Variants in SPDYE14 observed in about 807,000 individuals in gnomAD.
The protein encoded by SPDYE14 is speedy/RINGO cell cycle regulator family member E14.
At chr7:75,249,936 C>T in the SPDYE14 span, among the ~76,000 whole-genome samples, 1 of 114,274 alleles carries the variant, frequency 8.8e-6, no homozygotes, top group Non-Finnish European at 1.9e-5. Flanking sequence ...TCCCAAAGTG[C>T]TGGGATTACA....
the SPDYE14 span, among the ~76,000 whole-genome samples, chr7:75,261,439 G>T: frequency 4.7e-5 from 2 of 42,288 alleles, no homozygotes; most frequent in African/African-American, 7.1e-5. Context: ...CTGGCCTCTT[G>T]CTCTCAAGAA....
chr7:75,265,468 A>G, the SPDYE14 span, among the ~76,000 whole-genome samples: 10 of 17,986 alleles, frequency 5.6e-4, no homozygotes, highest in Non-Finnish European at 9.7e-5. Flanking sequence ...CTGTAGTCCC[A>G]GCACTCCAGG....
chr7:75,251,526 G>GTT, the SPDYE14 span, among the ~76,000 whole-genome samples: 11 of 60,740 alleles, frequency 1.8e-4, no homozygotes, highest in Non-Finnish European at 3.6e-4. Flanking sequence ...GTGTGTGTGT[G>GTT]TGTGTGTGTG....
chr7:75,265,021 GT>G, the SPDYE14 span, among the ~76,000 whole-genome samples: 88 of 35,154 alleles, frequency 2.5e-3, no homozygotes, highest in African/African-American at 5.8e-3. Context: ...TTCTTTGCCT[GT>G]TTTTTTTTTT....
At chr7:75,266,089 T>TA in the SPDYE14 span, among the ~76,000 whole-genome samples, 4 of 79,598 alleles carry the variant, frequency 5.0e-5, no homozygotes, top group Non-Finnish European at 8.0e-5. Flanking sequence ...TGTTTGTTCT[T>TA]AGAGTATGTT....
At chr7:75,274,499 CTTTTT>C in the SPDYE14 span, among the ~76,000 whole-genome samples, 1,433 of 12,200 alleles carry the variant, frequency 0.12, 13 homozygotes, top group East Asian at 0.43. Context: ...CTAGTCCTGG[CTTTTT>C]TTTTTTTTTT....
At chr7:75,245,428 GAAAAAA>G in the SPDYE14 span, among the ~76,000 whole-genome samples, 1 of 67,776 alleles carries the variant, frequency 1.5e-5, no homozygotes, top group Non-Finnish European at 3.0e-5. Flanking sequence ...ATGTCTCAAA[GAAAAAA>G]AAAAAAAAAA....
the SPDYE14 span, among the ~76,000 whole-genome samples, chr7:75,278,942 C>CAAA: frequency 2.4e-5 from 1 of 41,468 alleles, no homozygotes; most frequent in Non-Finnish European, 4.9e-5. Flanking sequence ...ACTCTGTTTC[C>CAAA]AAAAAAAAAA....
chr7:75,256,818 GA>G, the SPDYE14 span, among the ~76,000 whole-genome samples: 85 of 11,836 alleles, frequency 7.2e-3, 15 homozygotes, highest in African/African-American at 0.014. Context: ...CTATCTCAAA[GA>G]AAAAAAAAAA....
At chr7:75,258,195 G>A in the SPDYE14 span, among the ~76,000 whole-genome samples, 890 of 55,956 alleles carry the variant, frequency 0.016, 297 homozygotes, top group African/African-American at 0.038. Context: ...TGTGCACAAT[G>A]TGAAGATTTG....
chr7:75,303,508 CAAT>C, the SPDYE14 span, among the ~76,000 whole-genome samples: 33 of 23,712 alleles, frequency 1.4e-3, no homozygotes, highest in Admixed American at 1.7e-3. Context: ...CACACACACA[CAAT>C]TAGCCAGGCG....
chr7:75,268,740 C>A, the SPDYE14 span, among the ~76,000 whole-genome samples: 1 of 67,840 alleles, frequency 1.5e-5, no homozygotes, highest in African/African-American at 4.8e-5. Context: ...ACAAAAAAAC[C>A]CCACAAAAAT....
the SPDYE14 span, among the ~76,000 whole-genome samples, chr7:75,278,512 C>T: frequency 5.3e-5 from 1 of 18,994 alleles, no homozygotes; most frequent in African/African-American, 1.1e-4. Context: ...ACCTGGGAGG[C>T]GGAGGTTGCA....
chr7:75,268,826 C>A, the SPDYE14 span, among the ~76,000 whole-genome samples: 12 of 44,084 alleles, frequency 2.7e-4, no homozygotes, highest in African/African-American at 7.4e-4. Flanking sequence ...AAGCCCAGAT[C>A]GCACCATTGC....
chr7:75,275,330 G>C, the SPDYE14 span, among the ~76,000 whole-genome samples: 1 of 48,738 alleles, frequency 2.1e-5, no homozygotes, highest in Non-Finnish European at 5.3e-5. Flanking sequence ...GATGGTTGCC[G>C]TGTCTGTGTA....
At chr7:75,259,945 G>A in the SPDYE14 span, among the ~76,000 whole-genome samples, 4 of 21,302 alleles carry the variant, frequency 1.9e-4, 2 homozygotes, top group East Asian at 7.6e-3. Context: ...AGTGTTTTAC[G>A]CCACTCTCAA....
At chr7:75,237,716 T>C in the SPDYE14 span, 5 of 110,870 alleles carry the variant, frequency 4.5e-5, 1 homozygote, top group Non-Finnish European at 6.3e-5. Flanking sequence ...AACTTGCCAC[T>C]CAAACGCCGG....
the SPDYE14 span, among the ~76,000 whole-genome samples, chr7:75,274,975 G>A: frequency 3.2e-5 from 2 of 62,282 alleles, no homozygotes; most frequent in African/African-American, 7.7e-5. Flanking sequence ...CGGGAGGTGA[G>A]GGGCGCCTCT....
the SPDYE14 span, among the ~76,000 whole-genome samples, chr7:75,245,306 A>AGT: frequency 3.5e-4 from 23 of 65,924 alleles, no homozygotes; most frequent in Non-Finnish European, 5.9e-4. Context: ...CTGTAATCCC[A>AGT]GCTACTAGGG....
Sources: allele counts gnomAD v4.1 joint callset (sites outside exome capture counted in the v4.1 genomes callset), GRCh38; gene constraint gnomAD v4.1.1; transcripts MANE v1.5; gene names NCBI Gene and HGNC (gene_info 2026-07-23, HGNC 2026-07-21).